NEK1: variants seen among roughly 807,000 people sequenced by gnomAD.
NEK1 encodes the protein NIMA related kinase 1.
In NEK1, 137 loss-of-function variants were observed where a neutral mutation model predicts 182.1. That is an observed-to-expected ratio of 0.75 (90% CI 0.65 to 0.87). The LOEUF (loss-of-function observed/expected upper bound fraction) is 0.87. Among genes scored for constraint, NEK1 ranks in the 40% least tolerant of loss-of-function variants. NEK1 has a pLI of 0.00. For synonymous variants in NEK1, 513 were observed against 492.2 expected, an observed-to-expected ratio of 1.04 and a Z score of -0.56; for missense variants, 1,391 against 1,494.4, an observed-to-expected ratio of 0.93 and a Z score of 1.14.
intron 5 of NEK1, among the ~76,000 whole-genome samples, chr4:169,596,488 A>G (rs966796824): frequency 6.6e-6 from 1 of 152,046 alleles, no homozygotes; most frequent in Non-Finnish European, 1.5e-5. Context: ...TAAAATATCT[A>G]TGTAGAGACT....
At chr4:169,534,037 CAT>C (rs1427813481) in intron 19 of NEK1, among the ~76,000 whole-genome samples, 3 of 152,188 alleles carry the variant, frequency 2.0e-5, no homozygotes, top group African/African-American at 7.2e-5. Flanking sequence ...CAGAACATCA[CAT>C]GTCTCATTAG....
Position 169,602,552 on chromosome 4 carries a change from C to T in NEK1, c.79G>A (p.Gly27Ser). Residue 27 changes from glycine (G) to serine (S), a missense_variant, in exon 3 of 36, where the codon GGC (glycine) becomes AGC (serine). Around this residue, in one of 5 missense-constraint regions of NEK1, gnomAD observed 42 missense variants for 47.9 expected, o/e 0.88. Transcript: ENST00000507142. ...KAILVKSTED[G>S]RQYVIKEINI... is the part of the protein sequence containing the mutation. ...ATTTCCTTGATAACATACTGTCTGC[C>T]ATCTTCTGTAGATTTAACAAGAATG... 6.2e-7 allele frequency: 1 copy of T among 1,606,284 alleles called. No homozygotes were observed. The highest frequency in any genetic ancestry group is 2.2e-5 in the East Asian group (1 of 44,610).
intron 18 of NEK1, among the ~76,000 whole-genome samples, chr4:169,539,485 T>G (rs1171039239): frequency 6.6e-6 from 1 of 152,170 alleles, no homozygotes; most frequent in Non-Finnish European, 1.5e-5. Context: ...AAAGTAGGAC[T>G]GTACCCTGTT....
At chr4:169,529,922 T>A (rs180710666) in intron 19 of NEK1, among the ~76,000 whole-genome samples, 5 of 152,250 alleles carry the variant, frequency 3.3e-5, no homozygotes, top group Admixed American at 3.3e-4. Flanking sequence ...GCAGAGCAAC[T>A]GGAATTCGAG....
Position 169,501,521 on chromosome 4 carries a change from T to C in NEK1, c.2007+5516A>G, listed in dbSNP as rs1000842319. ...AGTCATAAAGCAAGTCTCAATAAATTTTTTAAAAAACTGAAATCATACTAA... is the reference window on the plus strand; with the variant it reads ...AGTCATAAAGCAAGTCTCAATAAATCTTTTAAAAAACTGAAATCATACTAA... On this transcript the variant is annotated intron_variant, in intron 23 of 35. Transcript: ENST00000507142. 7.2e-4 allele frequency among the ~76,000 whole-genome samples: 109 copies of C among 152,154 alleles called. 5 individuals are homozygous for C. The highest frequency in any genetic ancestry group is 1.5e-5 in the Non-Finnish European group (1 of 67,982).
intron 18 of NEK1, among the ~76,000 whole-genome samples, chr4:169,541,656 G>A (rs1408279390): frequency 6.6e-6 from 1 of 152,112 alleles, no homozygotes; most frequent in Middle Eastern, 3.2e-3. Flanking sequence ...CAGAAATTGT[G>A]ACAGCGTGCA....
chr4:169,464,075 G>T (rs1744476077), intron 26 of NEK1, among the ~76,000 whole-genome samples: 1 of 152,114 alleles, frequency 6.6e-6, no homozygotes, highest in East Asian at 1.9e-4. Context: ...CCACCCATGT[G>T]GGCCCTCTAT....
chr4:169,530,787 T>C (rs550517159), intron 19 of NEK1, among the ~76,000 whole-genome samples: 3 of 151,630 alleles, frequency 2.0e-5, no homozygotes, highest in Admixed American at 6.6e-5. Flanking sequence ...TGTAACTTGA[T>C]TGTGGTGCTG....
In NEK1 at chr4:169,446,345, C is replaced by T. The variant is rs568010330; in HGVS notation, c.2588-8086G>A. Reference sequence around the variant, plus strand: ...GAAAATAAAAAACAAAGAGCCATTACAACAAATACTACAGAAATGCAAAGT... The same window carrying T: ...GAAAATAAAAAACAAAGAGCCATTATAACAAATACTACAGAAATGCAAAGT... On this transcript the variant is annotated intron_variant, in intron 27 of 35. Coordinates refer to ENST00000507142, the MANE Select transcript of NEK1 (RefSeq NM_001199397.3). Among the ~76,000 whole-genome samples the T allele has an allele frequency of 1.1e-4, 16 of 152,118 alleles. No homozygotes were observed. In the South Asian group the frequency reaches 1.7e-3, roughly 16 times the overall value.
In NEK1 at chr4:169,508,175, T is replaced by C. The variant is rs1243934784; in HGVS notation, c.1833+73A>G. 7.7e-6 allele frequency: 10 copies of C among 1,306,170 alleles called. 1 individual carries two copies. The Admixed American group carries it at 8.2e-5, about 11-fold the overall frequency. The allele number at this position is 1,306,170 out of a possible 1,614,324, so 80.9% of individuals were successfully genotyped here. The stretch of plus-strand genomic sequence containing the variant: ...TTGTTGTTGTTGTCGTTGTTGTTAA[T>C]GGCACAGCATTTTAAATGTTAACCT... On this transcript the variant is annotated intron_variant, in intron 21 of 35. Coordinates refer to ENST00000507142, the MANE Select transcript of NEK1 (RefSeq NM_001199397.3).
At chr4:169,439,608 A>G in intron 27 of NEK1, among the ~76,000 whole-genome samples, 1 of 152,162 alleles carries the variant, frequency 6.6e-6, no homozygotes, top group East Asian at 1.9e-4. Flanking sequence ...TCGCATTATT[A>G]TTATTATTAA....
chr4:169,450,728 G>T (rs1195325480), intron 27 of NEK1, among the ~76,000 whole-genome samples: 1 of 152,186 alleles, frequency 6.6e-6, no homozygotes, highest in South Asian at 2.1e-4. Context: ...GACCACTGAT[G>T]CTATGAAGAA....
intron 31 of NEK1, among the ~76,000 whole-genome samples, chr4:169,412,676 T>G (rs1001134619): frequency 6.6e-6 from 1 of 152,162 alleles, no homozygotes; most frequent in Non-Finnish European, 1.5e-5. Context: ...ATGTATTAGA[T>G]GCTGAGGATA....
At chr4:169,552,126 T>C (rs1761513671) in intron 18 of NEK1, among the ~76,000 whole-genome samples, 1 of 152,088 alleles carries the variant, frequency 6.6e-6, no homozygotes, top group African/African-American at 2.4e-5. Flanking sequence ...GATTACAGTG[T>C]GTATGTAAAT....
chr4:169,484,089 T>C (rs1580090401), intron 23 of NEK1, among the ~76,000 whole-genome samples: 1 of 152,238 alleles, frequency 6.6e-6, no homozygotes, highest in African/African-American at 2.4e-5. Context: ...AAATATGTTA[T>C]TTCTCTAGAT....
intron 28 of NEK1, among the ~76,000 whole-genome samples, chr4:169,437,369 T>A (rs1276003235): frequency 6.6e-6 from 1 of 152,092 alleles, no homozygotes; most frequent in Non-Finnish European, 1.5e-5. Flanking sequence ...TCAGAAGGTG[T>A]GAGTGTATTT....
At chr4:169,548,078 T>G (rs1037378056) in intron 18 of NEK1, among the ~76,000 whole-genome samples, 4 of 152,232 alleles carry the variant, frequency 2.6e-5, no homozygotes, top group African/African-American at 4.8e-5. Context: ...TTTCAGCCTT[T>G]TTGCGCTGGT....
intron 23 of NEK1, among the ~76,000 whole-genome samples, chr4:169,492,102 C>T (rs1484097334): frequency 1.3e-5 from 2 of 152,144 alleles, no homozygotes; most frequent in African/African-American, 4.8e-5. Flanking sequence ...GACCAAAAAA[C>T]AACCAGAAAA....
intron 31 of NEK1, among the ~76,000 whole-genome samples, chr4:169,419,635 G>C (rs1207485369): frequency 1.3e-5 from 2 of 152,178 alleles, no homozygotes; most frequent in Non-Finnish European, 2.9e-5. Context: ...GTCATGCTTT[G>C]CTTAACAAAG....
Sources: gnomAD v4.1 joint callset for allele counts (sites outside exome capture counted in the v4.1 genomes callset) on GRCh38, gnomAD v4.1.1 for gene constraint, gnomAD v4.1.1 regional missense constraint, MANE v1.5 for transcripts, NCBI Gene and HGNC (gene_info 2026-07-23, HGNC 2026-07-21) for gene names.